Variants in GNAS observed in about 807,000 individuals in gnomAD.
The protein encoded by GNAS is protein ALEX.
GNAS carries 8 observed loss-of-function variants against 54.5 expected under a neutral mutation model. The ratio of observed to expected loss-of-function variants is 0.15; its 90% CI spans 0.09 to 0.26. GNAS has a LOEUF of 0.26. GNAS is among the 10% of genes least tolerant of loss of function. The pLI, the probability that GNAS is intolerant of heterozygous loss-of-function variation, is 1.00. For synonymous variants in GNAS, 204 were observed against 191.4 expected (o/e 1.07, Z -0.54); for missense variants, 170 against 529.8 (o/e 0.32, Z 6.67).
rs536885082 is a variant in GNAS at position 58,863,316 on chromosome 20, G to A, written c.43+22430G>A. Among the ~76,000 whole-genome samples the A allele has an allele frequency of 6.6e-6, 1 of 152,256 alleles. No homozygotes were observed. Among genetic ancestry groups the A allele is most frequent in the South Asian group, 2.1e-4 (1 of 4,826 alleles). ...TTAGAGTAAAATCCCAAATTGCATT[G>A]CAGAGTAATTTGTTAAACCTCAGGA... On this transcript the variant is annotated intron_variant, in intron 1 of 12. Coordinates refer to the GNAS transcript ENST00000306090. This position sits in a 1 kb window ranked among gnomAD's most constrained non-coding sequence, Gnocchi z 4.1.
Position 58,859,682 on chromosome 20 carries a change from G to A in GNAS, c.43+18796G>A, listed in dbSNP as rs377295127. On this transcript the variant is annotated intron_variant, in intron 1 of 12. Transcript: ENST00000306090. ...CGCTCTATCGCCCAGGCTGGAGTGCGATGGTGTGATTTTGGCTCACTACAA... is the reference window on the plus strand; with the variant it reads ...CGCTCTATCGCCCAGGCTGGAGTGCAATGGTGTGATTTTGGCTCACTACAA... Among the ~76,000 whole-genome samples, 5 of 150,398 alleles carry A rather than the reference G, an allele frequency of 3.3e-5. No individual in the cohort carries two copies. The East Asian group carries it at 7.9e-4, about 24-fold the overall frequency.
Position 58,853,590 on chromosome 20 carries a change from C to T in GNAS, c.43+12704C>T. ...AGCAATGCCCTTCGAGGCTGAACAG[C>T]CCAGCTTGGGAGGCTTCTGGCCTAC... On this transcript the variant is annotated intron_variant, in intron 1 of 12. Transcript: ENST00000306090. The surrounding 1 kb of genome is among the most constrained non-coding windows in gnomAD (Gnocchi z 4.4). 1.2e-6 allele frequency: 2 copies of T among 1,613,306 alleles called. No individual in the cohort carries two copies. The highest frequency in any genetic ancestry group is 1.7e-6 in the Non-Finnish European group (2 of 1,179,866).
chr20:58,868,498 G>T (rs1373766517), intron 1 of GNAS, among the ~76,000 whole-genome samples: 1 of 151,822 alleles, frequency 6.6e-6, no homozygotes, highest in Admixed American at 6.6e-5. Flanking sequence ...CCAGAGTTAG[G>T]GTCTGATTTC....
intron 1 of GNAS, among the ~76,000 whole-genome samples, chr20:58,882,138 G>C (rs1293974881): frequency 1.3e-5 from 2 of 152,144 alleles, no homozygotes; most frequent in South Asian, 4.1e-4. Flanking sequence ...GCGCGATCTC[G>C]GCTCACTGCA....
At chr20:58,854,798 C>T (rs1237721477) in intron 1 of GNAS, 2 of 1,580,592 alleles carry the variant, frequency 1.3e-6, no homozygotes, top group Admixed American at 3.5e-5. Flanking sequence ...CCCAAGTCCG[C>T]CGGGCGGCCT....
At position 58,910,211 on chromosome 20, in the gene GNAS, A is replaced by G. The variant is rs965746891; in HGVS notation, c.971-123A>G. 2.4e-6 allele frequency: 3 copies of G among 1,263,630 alleles called. No individual in the cohort carries two copies. Among genetic ancestry groups the G allele is most frequent in the African/African-American group, 2.9e-5 (2 of 68,060 alleles). The allele number at this position is 1,263,630 out of a possible 1,614,324, so 78.3% of individuals were successfully genotyped here. ...TCTATAAGAGAAGCAAGAAAAACGCACTCCCACTAATTCTCATATGGAAAA... is the reference window on the plus strand; with the variant it reads ...TCTATAAGAGAAGCAAGAAAAACGCGCTCCCACTAATTCTCATATGGAAAA... On this transcript the variant is annotated intron_variant, in intron 11 of 12. Transcript: ENST00000371085. The surrounding 1 kb of genome is among the most constrained non-coding windows in gnomAD (Gnocchi z 5.8).
Position 58,873,194 on chromosome 20 carries a change from C to T in GNAS, c.44-22418C>T, listed in dbSNP as rs1320814742. ...CTGATCTAATAGCTATGAAAAGGAA[C>T]TCATTCACAAATATGTTTATAAAAT... On this transcript the variant is annotated intron_variant, in intron 1 of 12. Coordinates refer to the GNAS transcript ENST00000306090. This position sits in a 1 kb window ranked among gnomAD's most constrained non-coding sequence, Gnocchi z 4.3. Among the ~76,000 whole-genome samples the T allele has an allele frequency of 1.3e-5, 2 of 151,900 alleles. No homozygotes were observed. The highest frequency in any genetic ancestry group is 4.8e-5 in the African/African-American group (2 of 41,354).
chr20:58,877,334 C>A (rs1369346987), intron 1 of GNAS, among the ~76,000 whole-genome samples: 1 of 151,942 alleles, frequency 6.6e-6, no homozygotes, highest in African/African-American at 2.4e-5. Context: ...TCTGTGGGGG[C>A]CCAGGACTAG....
At chr20:58,870,247 G>T (rs1180138512) in intron 1 of GNAS, among the ~76,000 whole-genome samples, 1 of 152,186 alleles carries the variant, frequency 6.6e-6, no homozygotes, top group Admixed American at 6.5e-5. Context: ...TCTTTTACTT[G>T]ATAACTTTCC....
At position 58,857,219 on chromosome 20, in the gene GNAS, G is replaced by A. The variant is rs953799860; in HGVS notation, c.43+16333G>A. The A allele has an allele frequency of 6.6e-6, 1 of 152,186 alleles. No homozygotes were observed. The highest frequency in any genetic ancestry group is 2.4e-5 in the African/African-American group (1 of 41,438). The allele number at this position is 152,186 out of a possible 1,614,324, so 9.4% of individuals were successfully genotyped here. A position where few individuals can be genotyped will look rare whatever the true frequency, so the allele number is the denominator to read the frequency against. On this transcript the variant is annotated intron_variant, in intron 1 of 12. Transcript: ENST00000306090. The surrounding 1 kb of genome is among the most constrained non-coding windows in gnomAD (Gnocchi z 4.1). Reference sequence around the variant, plus strand: ...TGGCATATAACTGTGCTATTGTGATGTGGCTCTCACAAATCACAATTTTAA... The same window carrying A: ...TGGCATATAACTGTGCTATTGTGATATGGCTCTCACAAATCACAATTTTAA...
At chr20:58,865,379 T>C (rs954694126) in intron 1 of GNAS, among the ~76,000 whole-genome samples, 4 of 150,300 alleles carry the variant, frequency 2.7e-5, no homozygotes, top group Admixed American at 6.6e-5. Context: ...GATGGCACCA[T>C]TGCACTCCAG....
chr20:58,902,409 T>A (rs767906105), intron 3 of GNAS, among the ~76,000 whole-genome samples: 3 of 152,180 alleles, frequency 2.0e-5, no homozygotes, highest in Non-Finnish European at 4.4e-5. Flanking sequence ...GGTACAAAAA[T>A]TAACATTCTG....
At chr20:58,845,182 T>C (rs1221512375) in intron 1 of GNAS, among the ~76,000 whole-genome samples, 1 of 152,198 alleles carries the variant, frequency 6.6e-6, no homozygotes, top group African/African-American at 2.4e-5. Flanking sequence ...GGCAGACTGA[T>C]GGGAACATTG....
chr20:58,840,642 C>T (rs749569559), upstream of GNAS: 3 of 1,605,558 alleles, frequency 1.9e-6, no homozygotes, highest in African/African-American at 4.0e-5. This position sits in a 1 kb window ranked among gnomAD's most constrained non-coding sequence, Gnocchi z 6.0. Flanking sequence ...AGTCGCGCGC[C>T]GCCCAGCACT....
At position 58,856,151 on chromosome 20, in the gene GNAS, T is replaced by C. The variant is rs1179550998; in HGVS notation, c.43+15265T>C. ...TCTTTTTCCTTTTGCGCTAAGCGTT[T>C]CCTCACTTCTCATTCGTTCGCCAAA... On this transcript the variant is annotated intron_variant, in intron 1 of 12. Coordinates refer to the GNAS transcript ENST00000306090. The surrounding 1 kb of genome is among the most constrained non-coding windows in gnomAD (Gnocchi z 4.2). The C allele has an allele frequency of 6.3e-6, 1 of 158,718 alleles. No individual in the cohort carries two copies. Among genetic ancestry groups the C allele is most frequent in the African/African-American group, 2.4e-5 (1 of 41,508 alleles). The allele number at this position is 158,718 out of a possible 1,614,324, so 9.8% of individuals were successfully genotyped here. A position where few individuals can be genotyped will look rare whatever the true frequency, so the allele number is the denominator to read the frequency against.
At chr20:58,842,218 T>TG in intron 1 of GNAS, 1 of 398,464 alleles carries the variant, frequency 2.5e-6, no homozygotes, top group Non-Finnish European at 4.4e-6. Flanking sequence ...TCGCCAGTCC[T>TG]GGGGGGAAAG....
At chr20:58,889,292 C>A, upstream of GNAS, 3 of 992,888 alleles carry the variant, frequency 3.0e-6, no homozygotes, top group Non-Finnish European at 3.6e-6. Flanking sequence ...CCTGTCCCGG[C>A]GCGGGGCGGC....
chr20:58,877,044 T>G (rs2087867738), intron 1 of GNAS: 1 of 152,142 alleles, frequency 6.6e-6, no homozygotes, highest in East Asian at 1.9e-4. Context: ...CTTTAGCAAA[T>G]GAGAGAAGCG....
rs74474807 is a variant in GNAS, at chr20:58,905,491, G to A, written c.530+11G>A. The A allele has an allele frequency of 9.5e-5, 131 of 1,383,438 alleles. No individual in the cohort carries two copies. Among genetic ancestry groups the A allele is most frequent in the Admixed American group, 6.0e-4 (36 of 59,740 alleles). The allele number at this position is 1,383,438 out of a possible 1,614,324, so 85.7% of individuals were successfully genotyped here. On this transcript the variant is annotated intron_variant, in intron 6 of 12. Transcript: ENST00000371085. ...TGACTGTGCCCAGTAGTAAGTAACCGCCACCCAACCCATCAGCACATAAAA... is the reference window on the plus strand; with the variant it reads ...TGACTGTGCCCAGTAGTAAGTAACCACCACCCAACCCATCAGCACATAAAA...
Sources: gnomAD v4.1 joint callset for allele counts (sites outside exome capture counted in the v4.1 genomes callset) on GRCh38, gnomAD v4.1.1 for gene constraint, Gnocchi (gnomAD v3.1) non-coding constraint, MANE v1.5 for transcripts, NCBI Gene and HGNC (gene_info 2026-07-23, HGNC 2026-07-21) for gene names.